The following CORO2B variants were observed in gnomAD, a reference collection of about 807,000 sequenced individuals.
CORO2B encodes the protein coronin-2B.
Under a neutral mutation model 58.8 loss-of-function variants are expected in CORO2B, and 26 were observed. The observed-to-expected ratio is 0.44, with a 90% CI of 0.32 to 0.61. The LOEUF (loss-of-function observed/expected upper bound fraction) is 0.61, where lower values mean the gene tolerates loss of function less well. Among genes scored for constraint, CORO2B ranks in the 20% least tolerant of loss-of-function variants. The pLI, the probability that CORO2B is intolerant of heterozygous loss-of-function variation, is 0.04. For missense variants in CORO2B, 460 were observed against 645.1 expected (o/e 0.71, Z 3.11); for synonymous variants, 242 against 253.8 (o/e 0.95, Z 0.44).
the CORO2B span, among the ~76,000 whole-genome samples, chr15:68,522,678 T>C: frequency 6.6e-6 from 1 of 152,224 alleles, no homozygotes; most frequent in South Asian, 2.1e-4. Flanking sequence ...TCATCAATTA[T>C]ATTCCTTTTC....
intron 1 of CORO2B, among the ~76,000 whole-genome samples, chr15:68,597,430 G>C (rs1007524046): frequency 2.0e-5 from 3 of 152,070 alleles, no homozygotes; most frequent in Non-Finnish European, 2.9e-5. Flanking sequence ...GGCTTCTACT[G>C]TTATGCCCAT....
chr15:68,642,190 C>T (rs555297624), intron 1 of CORO2B, among the ~76,000 whole-genome samples: 1 of 152,194 alleles, frequency 6.6e-6, no homozygotes, highest in East Asian at 1.9e-4. Context: ...GTGCCTGCCA[C>T]CATGCCTGCT....
intron 2 of CORO2B, among the ~76,000 whole-genome samples, chr15:68,683,611 A>C (rs1055374430): frequency 4.6e-5 from 7 of 151,936 alleles, no homozygotes; most frequent in African/African-American, 1.7e-4. Flanking sequence ...GTGGGACTGG[A>C]TATTGGGAGC....
At chr15:68,711,932 C>A (rs751820379) in intron 5 of CORO2B, among the ~76,000 whole-genome samples, 17 of 152,130 alleles carry the variant, frequency 1.1e-4, no homozygotes, top group Non-Finnish European at 2.2e-4. Context: ...CCCACTGCAC[C>A]CCCTACCTCC....
the CORO2B span, among the ~76,000 whole-genome samples, chr15:68,522,089 G>C: frequency 1.8e-4 from 28 of 152,192 alleles, no homozygotes; most frequent in Non-Finnish European, 3.4e-4. Context: ...GATTGCAGGC[G>C]TGACCCACCA....
intron 1 of CORO2B, among the ~76,000 whole-genome samples, chr15:68,593,687 A>G (rs1037215916): frequency 6.6e-6 from 1 of 151,860 alleles, no homozygotes; most frequent in African/African-American, 2.4e-5. Flanking sequence ...CTCTGAAAAG[A>G]GCTATCAGTC....
intron 2 of CORO2B, among the ~76,000 whole-genome samples, chr15:68,657,517 C>CAAAAAA (rs373642309): frequency 2.3e-5 from 2 of 87,074 alleles, no homozygotes; most frequent in African/African-American, 4.9e-5. Flanking sequence ...GATCCTGTCT[C>CAAAAAA]AAAAAAAAAA....
chr15:68,616,166 A>G (rs988460541), intron 1 of CORO2B, among the ~76,000 whole-genome samples: 2 of 152,168 alleles, frequency 1.3e-5, no homozygotes, highest in Non-Finnish European at 2.9e-5. Flanking sequence ...TAAACAGTAT[A>G]ATGATGGGCA....
chr15:68,615,694 C>T (rs1453977358), intron 1 of CORO2B, among the ~76,000 whole-genome samples: 1 of 152,176 alleles, frequency 6.6e-6, no homozygotes, highest in Non-Finnish European at 1.5e-5. Flanking sequence ...GCCCTTGTGT[C>T]TTCCACCATG....
intron 1 of CORO2B, among the ~76,000 whole-genome samples, chr15:68,631,096 C>T (rs1353910713): frequency 6.6e-6 from 1 of 152,070 alleles, no homozygotes. Flanking sequence ...ATGGCAGGTA[C>T]GAGTCCAGTC....
chr15:68,645,321 C>T lies in CORO2B; in HGVS notation c.177C>T (p.Ser59=), dbSNP rs542742755. 25 of 1,612,976 alleles carry T rather than the reference C, an allele frequency of 1.5e-5. 2 individuals are homozygous for T. The highest frequency in any genetic ancestry group is 1.2e-4 in the South Asian group (11 of 91,072). The change falls in exon 2 of 12, where the codon AGC becomes AGT. Residue 59 remains serine, a synonymous_variant. Transcript: ENST00000261861. This position sits in a 1 kb window ranked among gnomAD's most constrained non-coding sequence, Gnocchi z 4.5. Reference sequence around the variant, plus strand: ...GCTTCCTGGCCATCGTCACCGAGAGCGCAGGGGGCGGCTCCTTCCTCGTCA... The same window carrying T: ...GCTTCCTGGCCATCGTCACCGAGAGTGCAGGGGGCGGCTCCTTCCTCGTCA... ...NTRFLAIVTE[S]AGGGSFLVIP... is the part of the protein sequence containing the mutation.
chr15:68,541,027 C>T, the CORO2B span, among the ~76,000 whole-genome samples: 16 of 152,184 alleles, frequency 1.1e-4, no homozygotes, highest in South Asian at 1.7e-3. Flanking sequence ...CTCAGCAGTT[C>T]GAGACCAGCC....
At chr15:68,565,723 T>C in the CORO2B span, among the ~76,000 whole-genome samples, 5 of 152,226 alleles carry the variant, frequency 3.3e-5, no homozygotes, top group African/African-American at 1.2e-4. Context: ...TATTTGTCTA[T>C]AGCCCTAAGG....
At chr15:68,718,482 G>A (rs1893083179) in intron 8 of CORO2B, among the ~76,000 whole-genome samples, 2 of 152,256 alleles carry the variant, frequency 1.3e-5, no homozygotes, top group African/African-American at 2.4e-5. Flanking sequence ...ACGCACTGTG[G>A]TGAGGCAGGT....
In CORO2B at chr15:68,579,035, A is replaced by G; in HGVS notation, c.-228A>G. On this transcript the variant is annotated 5_prime_UTR_variant, in exon 1 of 12. Transcript: ENST00000261861. ...CTGCGGCGAAGGAGGCTCATCTATTATAAATGCACATTCGGGGCTGACATC... is the reference window on the plus strand; with the variant it reads ...CTGCGGCGAAGGAGGCTCATCTATTGTAAATGCACATTCGGGGCTGACATC... 1 of 981,978 alleles carries G rather than the reference A, an allele frequency of 1.0e-6. No homozygotes were observed. Among genetic ancestry groups the G allele is most frequent in the Non-Finnish European group, 1.2e-6 (1 of 829,458 alleles). The allele number at this position is 981,978 out of a possible 1,614,324, so 60.8% of individuals were successfully genotyped here.
intron 2 of CORO2B, among the ~76,000 whole-genome samples, chr15:68,687,292 C>T (rs973230527): frequency 3.3e-5 from 5 of 152,208 alleles, no homozygotes; most frequent in African/African-American, 1.2e-4. Flanking sequence ...CTTTCTGCCT[C>T]GCTAAGCTGA....
the CORO2B span, among the ~76,000 whole-genome samples, chr15:68,567,918 C>A: frequency 6.6e-6 from 1 of 152,050 alleles, no homozygotes; most frequent in Admixed American, 6.6e-5. Context: ...TACTTGGGAG[C>A]CTGAGGCAGA....
At chr15:68,543,178 C>T in the CORO2B span, among the ~76,000 whole-genome samples, 6 of 152,274 alleles carry the variant, frequency 3.9e-5, no homozygotes, top group East Asian at 1.9e-4. Context: ...CCCTGGCCTT[C>T]GAGACAGAAG....
intron 3 of CORO2B, among the ~76,000 whole-genome samples, chr15:68,705,042 C>T (rs551386877): frequency 5.9e-5 from 9 of 152,310 alleles, no homozygotes; most frequent in African/African-American, 1.9e-4. Context: ...CCACTGTGAA[C>T]TCCAGCTCCT....
Sources: allele counts gnomAD v4.1 joint callset (sites outside exome capture counted in the v4.1 genomes callset), GRCh38; gene constraint gnomAD v4.1.1; non-coding constraint Gnocchi (gnomAD v3.1); transcripts MANE v1.5; gene names NCBI Gene and HGNC (gene_info 2026-07-23, HGNC 2026-07-21).